The following EML6 variants were observed in gnomAD, a reference collection of about 807,000 sequenced individuals.
The protein encoded by EML6 is EMAP like 6, also known as echinoderm microtubule-associated protein-like 6.
In EML6, 154 loss-of-function variants were observed where a neutral mutation model predicts 240.1. The observed-to-expected ratio is 0.64, with a 90% CI of 0.56 to 0.73. The LOEUF (loss-of-function observed/expected upper bound fraction) is 0.73. Among genes scored for constraint, EML6 ranks in the 30% least tolerant of loss-of-function variants. The probability of loss-of-function intolerance (pLI) is 0.00; values close to 1 mark genes in which losing one functional copy is unlikely to be tolerated. For missense variants in EML6, 2,964 were observed against 2,474.6 expected (o/e 1.20, Z -4.20); for synonymous variants, 1,148 against 899.0 (o/e 1.28, Z -4.95).
intron 7 of EML6, among the ~76,000 whole-genome samples, chr2:54,831,138 A>T (rs1432883918): frequency 6.6e-6 from 1 of 152,186 alleles, no homozygotes; most frequent in Non-Finnish European, 1.5e-5. Flanking sequence ...ATATCTTTCA[A>T]GGTAAACCAG....
At chr2:54,853,898 A>G (rs1454786155) in intron 11 of EML6, 43 bp downstream of exon 11, 1 of 1,338,984 alleles carries the variant, frequency 7.5e-7, no homozygotes, top group Non-Finnish European at 1.0e-6. Context: ...GATTTACTCT[A>G]AACTGTATAC....
At chr2:54,853,408 A>T (rs1558614881) in intron 10 of EML6, among the ~76,000 whole-genome samples, 1 of 151,612 alleles carries the variant, frequency 6.6e-6, no homozygotes, top group Non-Finnish European at 1.5e-5. Context: ...TCAAGTCAGG[A>T]TATTTAGGGA....
intron 24 of EML6, among the ~76,000 whole-genome samples, chr2:54,905,753 C>T (rs1216987356): frequency 6.6e-6 from 1 of 152,180 alleles, no homozygotes; most frequent in East Asian, 1.9e-4. Context: ...TGTAACCACT[C>T]TAGGTACCTC....
intron 17 of EML6, chr2:54,880,419 C>A (rs1671754174): frequency 6.6e-6 from 1 of 152,182 alleles, no homozygotes; most frequent in Non-Finnish European, 1.5e-5. Context: ...AGTTAATAGC[C>A]TTGAACCCCA....
chr2:54,813,330 C>T lies in EML6; in HGVS notation c.296C>T (p.Ser99Phe). Residue 99 changes from serine to phenylalanine, a missense_variant, in exon 3 of 42, where the codon TCT (serine) becomes TTT (phenylalanine). Transcript: ENST00000356458. ...GATTCCTATAATGTCCAGACTGTGT[C>T]TCTTCTTAAAGATGTCCATACACAT... ...IWDSYNVQTV[S>F]LLKDVHTHGV... The T allele has an allele frequency of 6.4e-7, 1 of 1,551,504 alleles. No individual in the cohort carries two copies. The highest frequency in any genetic ancestry group is 8.7e-7 in the Non-Finnish European group (1 of 1,146,692).
rs1271866484 is a variant in EML6, at chr2:54,853,654, T to G, written c.1456T>G (p.Leu486Val). 7.1e-6 allele frequency: 11 copies of G among 1,543,022 alleles called. No individual in the cohort carries two copies. Among genetic ancestry groups the G allele is most frequent in the Non-Finnish European group, 9.6e-6 (11 of 1,142,122 alleles). Residue 486 changes from leucine to valine, a missense_variant, in exon 11 of 42, where the codon TTA becomes GTA. Physicochemically the swap from Leu to Val is conservative, Grantham distance 32. Transcript: ENST00000356458. ...TTGATTATTTTCAGCTGGGAAGCCT[T>G]TAACAAGTAAAGAAGAAATTAAAGG... ...LFYRMPSGKP[L>V]TSKEEIKGIP...
In EML6 at chr2:54,787,278, A is replaced by G. The variant is rs1669141836; in HGVS notation, c.198-25954A>G. Reference sequence around the variant, plus strand: ...GGCTCCCATGGTCTGAGCCTTGTCAATGAGATGGGTGAGGGTTGGGGGGGG... The same window carrying G: ...GGCTCCCATGGTCTGAGCCTTGTCAGTGAGATGGGTGAGGGTTGGGGGGGG... On this transcript the variant is annotated intron_variant, in intron 2 of 41. Transcript: ENST00000356458. Among the ~76,000 whole-genome samples the G allele has an allele frequency of 5.3e-5, 6 of 113,184 alleles. No individual in the cohort carries two copies. The South Asian group carries it at 1.8e-3, about 33-fold the overall frequency. The allele number at this position is 113,184 out of a possible 152,430, so 74.3% of individuals were successfully genotyped here.
intron 2 of EML6, among the ~76,000 whole-genome samples, chr2:54,761,582 A>G (rs1309873821): frequency 6.6e-6 from 1 of 152,214 alleles, no homozygotes; most frequent in South Asian, 2.1e-4. Context: ...CAATTTGGTC[A>G]AAAGTGATTC....
intron 2 of EML6, among the ~76,000 whole-genome samples, chr2:54,757,367 C>T (rs1008077673): frequency 2.6e-5 from 4 of 152,080 alleles, no homozygotes; most frequent in Non-Finnish European, 5.9e-5. Context: ...GGTGGTGCAC[C>T]GCCTTTGCAA....
chr2:54,963,474 A>G, intron 36 of EML6, among the ~76,000 whole-genome samples: 1 of 152,204 alleles, frequency 6.6e-6, no homozygotes, highest in East Asian at 1.9e-4. Flanking sequence ...AACTCTAAAA[A>G]CTGAGATGTA....
intron 2 of EML6, among the ~76,000 whole-genome samples, chr2:54,807,453 T>A (rs1206839947): frequency 6.6e-6 from 1 of 152,238 alleles, no homozygotes; most frequent in African/African-American, 2.4e-5. Flanking sequence ...ATCAACATTT[T>A]ATCCTATCTC....
At chr2:54,952,729 T>G in intron 31 of EML6, 37 bp downstream of exon 31, 1 of 1,378,602 alleles carries the variant, frequency 7.3e-7, no homozygotes, top group Non-Finnish European at 1.0e-6. Flanking sequence ...TCTCCCAGCT[T>G]GCAGGGACGC....
At chr2:54,853,577 C>CTAATTTATTT in intron 10 of EML6, 66 bp from the exon 11 acceptor site, 2 of 1,033,772 alleles carry the variant, frequency 1.9e-6, no homozygotes, top group African/African-American at 3.3e-5. Context: ...AGTTTCAGAT[C>CTAATTTATTT]TTTATAAAAA....
At chr2:54,782,537 A>G (rs993301841) in intron 2 of EML6, among the ~76,000 whole-genome samples, 5 of 152,206 alleles carry the variant, frequency 3.3e-5, no homozygotes, top group Non-Finnish European at 7.3e-5. Flanking sequence ...CTGTAAACCA[A>G]CTAAGACATA....
At chr2:54,922,605 G>A (rs560263779) in intron 26 of EML6, among the ~76,000 whole-genome samples, 1 of 152,174 alleles carries the variant, frequency 6.6e-6, no homozygotes, top group Admixed American at 6.5e-5. Context: ...GTTCATTACA[G>A]CATTATTTAC....
chr2:54,742,914 A>G (rs75394800), intron 2 of EML6, among the ~76,000 whole-genome samples: 10,758 of 152,326 alleles, frequency 0.071, 556 homozygotes, highest in Non-Finnish European at 0.11. Flanking sequence ...AAACAAAACA[A>G]TGTACAACAA....
chr2:54,850,428 A>T lies in EML6; in HGVS notation c.1444+210A>T, dbSNP rs1670013085. The T allele has an allele frequency of 1.1e-5, 6 of 538,724 alleles. No individual in the cohort carries two copies. In the Admixed American group the frequency reaches 1.6e-4, roughly 14 times the overall value. The allele number at this position is 538,724 out of a possible 1,614,324, so 33.4% of individuals were successfully genotyped here. A position where few individuals can be genotyped will look rare whatever the true frequency, so the allele number is the denominator to read the frequency against. On this transcript the variant is annotated intron_variant, in intron 10 of 41. Coordinates refer to ENST00000356458, the MANE Select transcript of EML6 (RefSeq NM_001039753.4). ...TCAAAGGAAAGGTATGAGTTGGAAC[A>T]TGTTAAACTAAAAGTTGCTGCACAA...
intron 33 of EML6, 102 bp downstream of exon 33, chr2:54,958,100 A>G: frequency 3.9e-6 from 4 of 1,019,184 alleles, no homozygotes; most frequent in Non-Finnish European, 4.2e-6. Context: ...TGAAAACAGC[A>G]GGAAAGCCAT....
At chr2:54,788,606 A>G (rs560154113) in intron 2 of EML6, among the ~76,000 whole-genome samples, 13 of 152,356 alleles carry the variant, frequency 8.5e-5, no homozygotes, top group Middle Eastern at 3.4e-3. Flanking sequence ...GAAGCTTAGC[A>G]AAATGATCAA....
Sources: allele counts gnomAD v4.1 joint callset (sites outside exome capture counted in the v4.1 genomes callset), GRCh38; gene constraint gnomAD v4.1.1; transcripts MANE v1.5; gene names NCBI Gene and HGNC (gene_info 2026-07-23, HGNC 2026-07-21).